The following LRCH1 variants were observed in gnomAD, a reference collection of about 807,000 sequenced individuals.
The protein encoded by LRCH1 is leucine rich repeats and calponin homology domain containing 1.
A neutral mutation model predicts 94.9 loss-of-function variants in LRCH1; 23 were observed. That is an observed-to-expected ratio of 0.24 (90% CI 0.17 to 0.34). The LOEUF is 0.34. LRCH1 is among the 10% of genes least tolerant of loss of function. The probability of loss-of-function intolerance (pLI) is 1.00; values close to 1 mark genes in which losing one functional copy is unlikely to be tolerated. For synonymous variants in LRCH1, 364 were observed against 354.9 expected, an observed-to-expected ratio of 1.03 and a Z score of -0.29; for missense variants, 790 against 945.9, an observed-to-expected ratio of 0.84 and a Z score of 2.16.
At chr13:46,683,172 G>C (rs758658800) in intron 4 of LRCH1, among the ~76,000 whole-genome samples, 41 of 152,194 alleles carry the variant, frequency 2.7e-4, no homozygotes, top group Non-Finnish European at 4.3e-4. Context: ...ACAATTTATG[G>C]ATGCCTGATT....
chr13:46,629,775 C>A (rs113069271), intron 1 of LRCH1, among the ~76,000 whole-genome samples: 6 of 152,318 alleles, frequency 3.9e-5, no homozygotes, highest in African/African-American at 1.4e-4. Flanking sequence ...AGATTAGCTT[C>A]CTTCAGGCCC....
Position 46,595,181 on chromosome 13 carries a change from TCTC to T in LRCH1, c.307+41481_307+41483del, listed in dbSNP as rs1458002551. ...TCCCCATACCCATCGAGAACCCTAT[TCTC>T]CTGTGGCAGACTTTAATGAATGTAA... On this transcript the variant is annotated intron_variant, in intron 1 of 19. Coordinates refer to ENST00000389797, the MANE Select transcript of LRCH1 (RefSeq NM_001164211.2). 3.3e-5 allele frequency among the ~76,000 whole-genome samples: 5 copies of T among 152,192 alleles called. 1 individual carries two copies. The highest frequency in any genetic ancestry group is 2.6e-4 in the Admixed American group (4 of 15,282).
At chr13:46,596,207 A>G (rs2050561455) in intron 1 of LRCH1, among the ~76,000 whole-genome samples, 1 of 152,218 alleles carries the variant, frequency 6.6e-6, no homozygotes, top group African/African-American at 2.4e-5. Context: ...ATCTCTTCTA[A>G]TAGATAAAGG....
chr13:46,745,426 C>T (rs898752162), downstream of LRCH1, among the ~76,000 whole-genome samples: 1 of 151,972 alleles, frequency 6.6e-6, no homozygotes, highest in African/African-American at 2.4e-5. Context: ...ACCGTGAACG[C>T]ATCCTGGGAT....
At chr13:46,684,247 T>C (rs988314084) in intron 4 of LRCH1, among the ~76,000 whole-genome samples, 1 of 28,582 alleles carries the variant, frequency 3.5e-5, no homozygotes, top group African/African-American at 2.3e-4. Context: ...TCTACTCCAC[T>C]TTTTTTTTTA....
chr13:46,744,008 T>C lies in LRCH1; in HGVS notation c.*2160T>C. On this transcript the variant is annotated 3_prime_UTR_variant, in exon 20 of 20. Transcript: ENST00000389797. Reference sequence around the variant, plus strand: ...GGATGATGTTTTTTCATTAGTAGTATGGTAACTAGCAGAACACAATTAATT... The same window carrying C: ...GGATGATGTTTTTTCATTAGTAGTACGGTAACTAGCAGAACACAATTAATT... 9.1e-6 allele frequency: 9 copies of C among 985,462 alleles called. No homozygotes were observed. Among genetic ancestry groups the C allele is most frequent in the Non-Finnish European group, 1.1e-5 (9 of 829,930 alleles). 61.0% of individuals were successfully genotyped at this position (985,462 alleles called of 1,614,324 possible). A position where few individuals can be genotyped will look rare whatever the true frequency, so the allele number is the denominator to read the frequency against.
chr13:46,723,101 T>C (rs1470055406), intron 16 of LRCH1, 120 bp from the exon 17 acceptor site: 4 of 545,454 alleles, frequency 7.3e-6, no homozygotes, highest in Non-Finnish European at 1.3e-5. Flanking sequence ...GGAATTTCTT[T>C]GTTTCTTTGA....
At chr13:46,589,058 G>A (rs183317476) in intron 1 of LRCH1, among the ~76,000 whole-genome samples, 1 of 151,332 alleles carries the variant, frequency 6.6e-6, no homozygotes, top group Admixed American at 6.6e-5. Context: ...ATTTTTTAAG[G>A]CAGGGTCTCA....
At chr13:46,572,661 G>C (rs2050253568) in intron 1 of LRCH1, among the ~76,000 whole-genome samples, 1 of 152,098 alleles carries the variant, frequency 6.6e-6, no homozygotes, top group Admixed American at 6.6e-5. Context: ...AGAATAAGAA[G>C]ACAGTGCACA....
chr13:46,691,580 A>G (rs1452344543), intron 7 of LRCH1, among the ~76,000 whole-genome samples: 1 of 152,268 alleles, frequency 6.6e-6, no homozygotes, highest in Non-Finnish European at 1.5e-5. Context: ...AGCAACTGCT[A>G]CTGGCAAGGG....
intron 16 of LRCH1, among the ~76,000 whole-genome samples, chr13:46,721,726 G>A (rs546860582): frequency 6.6e-6 from 1 of 152,302 alleles, no homozygotes; most frequent in East Asian, 1.9e-4. Flanking sequence ...TTCCAGCAGA[G>A]GCCCCAGGCC....
At chr13:46,658,301 G>T (rs1238572459) in intron 2 of LRCH1, among the ~76,000 whole-genome samples, 2 of 151,874 alleles carry the variant, frequency 1.3e-5, no homozygotes, top group South Asian at 2.1e-4. Context: ...TGGATATTTT[G>T]CTCATTGATT....
At chr13:46,660,809 T>C (rs778878336) in intron 2 of LRCH1, among the ~76,000 whole-genome samples, 4 of 152,210 alleles carry the variant, frequency 2.6e-5, no homozygotes, top group Non-Finnish European at 4.4e-5. Context: ...TCTTTATCCC[T>C]TTGACTCAGT....
At chr13:46,638,428 A>T (rs1427138968) in intron 1 of LRCH1, among the ~76,000 whole-genome samples, 2 of 152,208 alleles carry the variant, frequency 1.3e-5, no homozygotes, top group Non-Finnish European at 2.9e-5. Flanking sequence ...GAAATTAACC[A>T]GTTACTGATG....
In LRCH1 at chr13:46,715,672, G is replaced by T. The variant is rs1422783942; in HGVS notation, c.1759+8G>T. 6.7e-7 allele frequency: 1 copy of T among 1,491,748 alleles called. No homozygotes were observed. The highest frequency in any genetic ancestry group is 1.4e-5 in the African/African-American group (1 of 72,150). The allele number at this position is 1,491,748 out of a possible 1,614,324, so 92.4% of individuals were successfully genotyped here. A position where few individuals can be genotyped will look rare whatever the true frequency, so the allele number is the denominator to read the frequency against. On this transcript the variant is annotated splice_region_variant and intron_variant, in intron 16 of 19. Coordinates refer to ENST00000389797, the MANE Select transcript of LRCH1 (RefSeq NM_001164211.2). Reference sequence around the variant, plus strand: ...AAGGAGACAGTGACAATGGTAGGTGGCTTTGTACCTATTCTCCAATGTTCT... The same window carrying T: ...AAGGAGACAGTGACAATGGTAGGTGTCTTTGTACCTATTCTCCAATGTTCT...
intron 1 of LRCH1, among the ~76,000 whole-genome samples, chr13:46,646,999 G>A (rs2051229014): frequency 6.6e-6 from 1 of 151,846 alleles, no homozygotes; most frequent in African/African-American, 2.4e-5. Flanking sequence ...TGTAGTCCCA[G>A]CTACTGAGGA....
At chr13:46,606,894 A>G (rs2050694355) in intron 1 of LRCH1, among the ~76,000 whole-genome samples, 1 of 152,092 alleles carries the variant, frequency 6.6e-6, no homozygotes, top group Admixed American at 6.6e-5. Flanking sequence ...TATTACTCAC[A>G]TTTCCTAAGA....
chr13:46,705,481 C>T (rs756733005), intron 13 of LRCH1, 177 bp downstream of exon 13: 7 of 722,860 alleles, frequency 9.7e-6, no homozygotes, highest in Non-Finnish European at 1.8e-5. Context: ...TTTAGTTCTG[C>T]TTTTCTGCTA....
chr13:46,734,092 A>G (rs967899297), intron 19 of LRCH1, 94 bp downstream of exon 19: 5 of 562,256 alleles, frequency 8.9e-6, no homozygotes, highest in African/African-American at 7.8e-5. Flanking sequence ...AGCTTTGTAC[A>G]TGCTTTTTTG....
Sources: gnomAD v4.1 joint callset for allele counts (sites outside exome capture counted in the v4.1 genomes callset) on GRCh38, gnomAD v4.1.1 for gene constraint, MANE v1.5 for transcripts, NCBI Gene and HGNC (gene_info 2026-07-23, HGNC 2026-07-21) for gene names.